The following DMD variants were observed in gnomAD, a reference collection of about 807,000 sequenced individuals.
DMD encodes mutant dystrophin.
DMD carries 63 observed loss-of-function variants against 330.1 expected under a neutral mutation model. The observed-to-expected ratio is 0.19, with a 90% CI of 0.16 to 0.24. DMD has a LOEUF of 0.24. Among genes scored for constraint, DMD ranks in the 10% least tolerant of loss-of-function variants. The pLI, the probability that DMD is intolerant of heterozygous loss-of-function variation, is 1.00. For synonymous variants in DMD, 1,223 were observed against 959.8 expected, an observed-to-expected ratio of 1.27 and a Z score of -5.07; for missense variants, 3,344 against 2,684.1, an observed-to-expected ratio of 1.25 and a Z score of -5.43.
chrX:32,699,946 T>A (rs577936696), intron 7 of DMD, among the ~76,000 whole-genome samples: 2 of 111,962 alleles, frequency 1.8e-5, no homozygotes, highest in African/African-American at 6.5e-5. Flanking sequence ...TAGAGACAAA[T>A]GTAAAAGTCC....
At chrX:32,192,039 T>C (rs1399437125) in intron 44 of DMD, among the ~76,000 whole-genome samples, 3 of 111,996 alleles carry the variant, frequency 2.7e-5, no homozygotes, top group African/African-American at 6.5e-5. Flanking sequence ...AGGGGGCCTA[T>C]ATTTAAAAGT....
chrX:31,715,221 G>C (rs748213567), intron 52 of DMD, among the ~76,000 whole-genome samples: 2 of 78,540 alleles, frequency 2.5e-5, no homozygotes, highest in African/African-American at 4.2e-5. Flanking sequence ...GGGGGTTGGT[G>C]GGGGGGGAGC....
intron 2 of DMD, among the ~76,000 whole-genome samples, chrX:32,976,253 C>T (rs1238326816): frequency 9.1e-6 from 1 of 109,601 alleles, no homozygotes; most frequent in Non-Finnish European, 1.9e-5. Context: ...ACTTGCAGTT[C>T]CTCTCAACTG....
intron 1 of DMD, among the ~76,000 whole-genome samples, chrX:33,272,996 C>T (rs933294429): frequency 9.0e-6 from 1 of 111,722 alleles, no homozygotes; most frequent in African/African-American, 3.3e-5. Flanking sequence ...AGCGTGGTAT[C>T]TGACCCTCCC....
intron 29 of DMD, among the ~76,000 whole-genome samples, chrX:32,436,420 C>T (rs1379499423): frequency 2.7e-5 from 3 of 111,342 alleles, no homozygotes; most frequent in Non-Finnish European, 5.6e-5. Flanking sequence ...AAAGTTTATG[C>T]TTTAAAAACT....
At chrX:31,648,178 C>T (rs951278945) in intron 54 of DMD, among the ~76,000 whole-genome samples, 2 of 110,664 alleles carry the variant, frequency 1.8e-5, no homozygotes, top group Non-Finnish European at 3.8e-5. Context: ...AATATATTTG[C>T]AAAAATATGA....
intron 1 of DMD, among the ~76,000 whole-genome samples, chrX:33,130,708 C>A (rs181189446): frequency 3.6e-5 from 4 of 110,068 alleles, no homozygotes; most frequent in South Asian, 3.9e-4. Context: ...TGCGCCACCA[C>A]GCCCAGCTAA....
intron 1 of DMD, among the ~76,000 whole-genome samples, chrX:33,163,001 G>C (rs1356945058): frequency 2.7e-5 from 3 of 111,604 alleles, no homozygotes; most frequent in African/African-American, 9.8e-5. Flanking sequence ...TAATAAACTG[G>C]AGGAAAGTCC....
intron 44 of DMD, among the ~76,000 whole-genome samples, chrX:32,053,546 A>G: frequency 9.0e-6 from 1 of 111,218 alleles, no homozygotes; most frequent in East Asian, 2.9e-4. Context: ...GCCTCTGTCT[A>G]CTTTCCTATT....
intron 63 of DMD, among the ~76,000 whole-genome samples, chrX:31,231,097 A>T (rs965031176): frequency 1.8e-5 from 2 of 111,051 alleles, no homozygotes; most frequent in Non-Finnish European, 3.8e-5. Context: ...CCTTTAAATC[A>T]AGCTTCAAGA....
At chrX:32,093,054 A>C (rs1183640171) in intron 44 of DMD, among the ~76,000 whole-genome samples, 2 of 111,237 alleles carry the variant, frequency 1.8e-5, no homozygotes, top group Admixed American at 1.9e-4. Context: ...AGTCTTGCTC[A>C]TTGGCGCTAA....
chrX:32,523,347 T>C (rs1262375621), intron 17 of DMD, among the ~76,000 whole-genome samples: 1 of 111,818 alleles, frequency 8.9e-6, no homozygotes, highest in Admixed American at 9.4e-5. Context: ...AGGTAGGTCA[T>C]AGAAACCAAA....
At chrX:32,758,002 T>A (rs149686573) in intron 7 of DMD, among the ~76,000 whole-genome samples, 1,859 of 111,684 alleles carry the variant, frequency 0.017, 50 homozygotes, top group African/African-American at 0.057. Flanking sequence ...CAAAGGGACA[T>A]TTCTGAGGAC....
chrX:32,314,180 T>G (rs1030833363), intron 41 of DMD, among the ~76,000 whole-genome samples: 1 of 111,536 alleles, frequency 9.0e-6, no homozygotes, highest in Non-Finnish European at 1.9e-5. Context: ...AAACAGATTA[T>G]ACTGATAGCA....
chrX:31,204,547 T>G (rs1394135104), intron 66 of DMD, among the ~76,000 whole-genome samples: 1 of 112,539 alleles, frequency 8.9e-6, no homozygotes, highest in East Asian at 2.8e-4. Flanking sequence ...TGGGACTTCT[T>G]TATGGAGTCA....
At chrX:31,490,510 C>T (rs756533466) in intron 57 of DMD, among the ~76,000 whole-genome samples, 2 of 111,079 alleles carry the variant, frequency 1.8e-5, no homozygotes, top group African/African-American at 3.3e-5. Context: ...GAGCCGAGAT[C>T]GCACCGCTGC....
At chrX:31,208,170 G>A (rs964175884) in intron 65 of DMD, among the ~76,000 whole-genome samples, 1 of 111,117 alleles carries the variant, frequency 9.0e-6, no homozygotes, top group African/African-American at 3.3e-5. Flanking sequence ...GGTTATTTTC[G>A]GTGAACAATA....
intron 7 of DMD, among the ~76,000 whole-genome samples, chrX:32,723,172 T>TAGAAAAA (rs2066505981): frequency 1.8e-5 from 2 of 111,892 alleles, no homozygotes; most frequent in Admixed American, 1.9e-4. Flanking sequence ...ATGCTTTTTC[T>TAGAAAAA]GCATGTATTG....
intron 7 of DMD, among the ~76,000 whole-genome samples, chrX:32,771,574 A>G (rs1306698247): frequency 9.1e-6 from 1 of 110,007 alleles, no homozygotes; most frequent in Non-Finnish European, 1.9e-5. Context: ...TCAAACTACT[A>G]TTATATCAAG....
Sources: gnomAD v4.1 joint callset for allele counts (sites outside exome capture counted in the v4.1 genomes callset) on GRCh38, gnomAD v4.1.1 for gene constraint, MANE v1.5 for transcripts, NCBI Gene and HGNC (gene_info 2026-07-23, HGNC 2026-07-21) for gene names.